Variants in AMACR observed in about 807,000 individuals in gnomAD.
AMACR encodes the protein alpha-methylacyl-CoA racemase.
A neutral mutation model predicts 22.2 loss-of-function variants in AMACR; 18 were observed. The observed-to-expected ratio is 0.81, with a 90% CI of 0.56 to 1.20. The LOEUF (loss-of-function observed/expected upper bound fraction) is 1.20, where lower values mean the gene tolerates loss of function less well. Among genes scored for constraint, AMACR ranks in the 50% most tolerant of loss-of-function variants. The probability of loss-of-function intolerance (pLI) is 0.00; values close to 1 mark genes in which losing one functional copy is unlikely to be tolerated. For missense variants in AMACR, 499 were observed against 490.6 expected (o/e 1.02, Z -0.16); for synonymous variants, 213 against 191.3 (o/e 1.11, Z -0.94).
intron 3 of AMACR, among the ~76,000 whole-genome samples, chr5:34,000,504 C>CTT (rs11429237): frequency 1.2e-4 from 18 of 147,766 alleles, no homozygotes; most frequent in East Asian, 5.9e-4. Flanking sequence ...AATATAGGGT[C>CTT]TTTTTTTTTT....
In AMACR at chr5:33,988,406, A is replaced by C; in HGVS notation, c.*687T>G. 1 of 1,537,084 alleles carries C rather than the reference A, an allele frequency of 6.5e-7. No homozygotes were observed. The highest frequency in any genetic ancestry group is 8.7e-7 in the Non-Finnish European group (1 of 1,146,790). On this transcript the variant is annotated 3_prime_UTR_variant, in exon 5 of 5. Coordinates refer to ENST00000335606, the MANE Select transcript of AMACR (RefSeq NM_014324.6). ...ATGGAGAAAGGAAAGCTGACAGCCC[A>C]GAGACCCACGGGGAAACAGGCCCCG... is the stretch of plus-strand genomic sequence containing the variant.
In AMACR at chr5:34,007,777, G is replaced by A. The variant is rs780748531; in HGVS notation, c.243C>T (p.Arg81=). The change falls in exon 1 of 5, where the codon CGC becomes CGT. Residue 81 remains arginine, a synonymous_variant. Transcript: ENST00000335606. ...GCCCGCGGGGCCCGGGCTCACCGCG[G>A]CGGAAGGGCTCCAGCAGCACATCCG... is the stretch of plus-strand genomic sequence containing the variant. ...KRSDVLLEPF[R]RGVMEKLQLG... The A allele has an allele frequency of 1.3e-6, 2 of 1,554,770 alleles. No homozygotes were observed. Among genetic ancestry groups the A allele is most frequent in the Admixed American group, 1.9e-5 (1 of 52,712 alleles).
chr5:33,989,577 G>A (rs965674358), intron 4 of AMACR, 75 bp from the exon 5 acceptor site: 8 of 1,233,180 alleles, frequency 6.5e-6, no homozygotes, highest in Non-Finnish European at 9.5e-6. Context: ...TGAATGCTGA[G>A]CCCACTGTAC....
chr5:33,988,081 A>G lies in AMACR; in HGVS notation c.*1012T>C. On this transcript the variant is annotated 3_prime_UTR_variant, in exon 5 of 5. Transcript: ENST00000335606. ...ATGGACCTTATTGATGGCCTACCCA[A>G]CATCCATTCTCTACTCCCTCTACTC... 2 of 425,454 alleles carry G rather than the reference A, an allele frequency of 4.7e-6. No individual in the cohort carries two copies. The highest frequency in any genetic ancestry group is 4.2e-6 in the Non-Finnish European group (1 of 238,046). The allele number at this position is 425,454 out of a possible 1,614,324, so 26.4% of individuals were successfully genotyped here. A position where few individuals can be genotyped will look rare whatever the true frequency, so the allele number is the denominator to read the frequency against.
rs768526839 is a variant in AMACR, at chr5:34,004,607, G to A, written c.519C>T (p.Arg173=). Residue 173 remains arginine (R), a synonymous_variant, in exon 3 of 5, where the codon CGC becomes CGT. Coordinates refer to ENST00000335606, the MANE Select transcript of AMACR (RefSeq NM_014324.6). ...CATCAATGACCTGACCCTTGCCAGT[G>A]CGTGTGCGGTCAAAAAGAGCCATTA... The part of the protein sequence containing the change: ...GIIMALFDRT[R]TGKGQVIDAN... The A allele has an allele frequency of 1.9e-6, 3 of 1,614,072 alleles. No individual in the cohort carries two copies. Among genetic ancestry groups the A allele is most frequent in the South Asian group, 2.2e-5 (2 of 91,068 alleles).
chr5:33,989,104 C>T lies in AMACR; in HGVS notation c.1138G>A (p.Ala380Thr). 6.2e-7 allele frequency: 1 copy of T among 1,614,170 alleles called. No homozygotes were observed. The highest frequency in any genetic ancestry group is 8.5e-7 in the Non-Finnish European group (1 of 1,180,026). ...CGTGGGCCTGGAAGTTAGAGACTAG[C>T]TTTTACCTTATTACTTTCAATGATT... The part of the protein sequence containing the change: ...DKIIESNKVK[A>T]SL The change falls in exon 5 of 5, where the codon GCT becomes ACT. Residue 380 changes from alanine to threonine, a missense_variant. Ala to Thr is a moderately conservative substitution (Grantham distance 58). Transcript: ENST00000335606.
At chr5:33,995,849 G>C (rs1349152968) in intron 4 of AMACR, among the ~76,000 whole-genome samples, 2 of 152,178 alleles carry the variant, frequency 1.3e-5, no homozygotes, top group African/African-American at 4.8e-5. Flanking sequence ...AGCAAGCCAA[G>C]GAGCATTTAT....
At position 33,987,888 on chromosome 5, in the gene AMACR, G is replaced by C. The variant is rs1215296051; in HGVS notation, c.*1205C>G. 6.5e-6 allele frequency: 1 copy of C among 154,582 alleles called. No homozygotes were observed. The highest frequency in any genetic ancestry group is 1.9e-4 in the East Asian group (1 of 5,310). The allele number at this position is 154,582 out of a possible 1,614,324, so 9.6% of individuals were successfully genotyped here. ...GACCTAATTATTTATAAATTGAATG[G>C]TTAGATATTTCTTTTGGCCTAAGCC... On this transcript the variant is annotated 3_prime_UTR_variant, in exon 5 of 5. Transcript: ENST00000335606.
intron 3 of AMACR, among the ~76,000 whole-genome samples, chr5:34,003,357 T>C (rs1034083519): frequency 2.6e-5 from 4 of 152,114 alleles, no homozygotes; most frequent in Non-Finnish European, 5.9e-5. Context: ...ATAACCACAA[T>C]GACAAACTTT....
At chr5:33,994,185 T>C (rs974072264) in intron 4 of AMACR, 12 of 393,678 alleles carry the variant, frequency 3.0e-5, no homozygotes, top group African/African-American at 2.3e-4. Context: ...ATTACTATTA[T>C]TGTTGTTGTT....
chr5:33,993,259 G>GT (rs1437470637), intron 4 of AMACR, among the ~76,000 whole-genome samples: 3 of 152,110 alleles, frequency 2.0e-5, no homozygotes, highest in Middle Eastern at 3.4e-3. Flanking sequence ...GAATTTTCTT[G>GT]TTTTTTTCAG....
intron 3 of AMACR, 25 bp from the exon 4 acceptor site, chr5:33,998,852 A>G: frequency 6.2e-7 from 1 of 1,608,206 alleles, no homozygotes; most frequent in East Asian, 2.2e-5. Context: ...AATACAAGAC[A>G]AATCCAGATA....
rs771674608 is a variant in AMACR at position 33,989,519 on chromosome 5, T to A, written c.740-17A>T. ...GTCCAAGTCCTGAGGAAAAATACAA[T>A]TTCCTAAATTATTATGCTTTGAACA... is the stretch of plus-strand genomic sequence containing the variant. On this transcript the variant is annotated splice_polypyrimidine_tract_variant and intron_variant, in intron 4 of 4. Coordinates refer to ENST00000335606, the MANE Select transcript of AMACR (RefSeq NM_014324.6). The A allele has an allele frequency of 5.0e-6, 8 of 1,596,376 alleles. No individual in the cohort carries two copies. The highest frequency in any genetic ancestry group is 6.9e-6 in the Non-Finnish European group (8 of 1,164,038).
Position 33,988,492 on chromosome 5 carries a change from A to G in AMACR, c.*601T>C. On this transcript the variant is annotated 3_prime_UTR_variant, in exon 5 of 5. Transcript: ENST00000335606. The stretch of plus-strand genomic sequence containing the variant: ...CCCTCTGGACTCTACGTAGTGAGCC[A>G]ACACATTTCCTCATTATTTTGGATA... 6 of 1,439,704 alleles carry G rather than the reference A, an allele frequency of 4.2e-6. No individual in the cohort carries two copies. Among genetic ancestry groups the G allele is most frequent in the Non-Finnish European group, 5.5e-6 (6 of 1,099,620 alleles). 89.2% of individuals were successfully genotyped at this position (1,439,704 alleles called of 1,614,324 possible). A position where few individuals can be genotyped will look rare whatever the true frequency, so the allele number is the denominator to read the frequency against.
intron 4 of AMACR, chr5:33,997,587 T>C (rs1579577826): frequency 3.9e-6 from 3 of 762,986 alleles, no homozygotes; most frequent in East Asian, 2.4e-5. Flanking sequence ...GGTGGCAGTG[T>C]TCATGGCTCC....
rs993746973 is a variant in AMACR, at chr5:34,005,643, T to C, written c.391+113A>G. The C allele has an allele frequency of 2.0e-5, 27 of 1,325,148 alleles. No homozygotes were observed. In the East Asian group the frequency reaches 5.8e-4, roughly 28 times the overall value. 82.1% of individuals were successfully genotyped at this position (1,325,148 alleles called of 1,614,324 possible). The stretch of plus-strand genomic sequence containing the variant: ...ATTTTGAACACCCATGCTCTCTTGA[T>C]TGATTCTGATAAATGTTTAAATTTT... On this transcript the variant is annotated intron_variant, in intron 2 of 4. Transcript: ENST00000335606.
In AMACR at chr5:34,008,029, C is replaced by T. The variant is rs1280269525; in HGVS notation, c.-10G>A. ...TGCCCTGCAGTGCCATGGCGCTTCC[C>T]AGTGCCCCGCTGAAGGAAACTGAGC... On this transcript the variant is annotated 5_prime_UTR_variant, in exon 1 of 5. Transcript: ENST00000335606. 3 of 1,609,228 alleles carry T rather than the reference C, an allele frequency of 1.9e-6. No homozygotes were observed. Among genetic ancestry groups the T allele is most frequent in the East Asian group, 2.2e-5 (1 of 44,872 alleles).
chr5:34,006,988 T>C (rs1383218381), intron 1 of AMACR, among the ~76,000 whole-genome samples: 2 of 152,194 alleles, frequency 1.3e-5, no homozygotes, highest in Non-Finnish European at 2.9e-5. Context: ...ATAGTCCGAG[T>C]GGGCTAAGGA....
At chr5:33,998,235 A>G (rs896131300) in intron 4 of AMACR, among the ~76,000 whole-genome samples, 4 of 152,222 alleles carry the variant, frequency 2.6e-5, no homozygotes, top group African/African-American at 9.6e-5. Context: ...TGCTCTGGTG[A>G]CTTCTGACAT....
Sources: allele counts gnomAD v4.1 joint callset (sites outside exome capture counted in the v4.1 genomes callset), GRCh38; gene constraint gnomAD v4.1.1; transcripts MANE v1.5; gene names NCBI Gene and HGNC (gene_info 2026-07-23, HGNC 2026-07-21).